Variants in NLGN4X observed in about 807,000 individuals in gnomAD.
The protein encoded by NLGN4X is neuroligin-4, X-linked.
NLGN4X carries 3 observed loss-of-function variants against 40.3 expected under a neutral mutation model. The observed-to-expected ratio is 0.07, with a 90% CI of 0.03 to 0.19. NLGN4X has a LOEUF of 0.19. Ranked by LOEUF, NLGN4X falls within the 10% of genes least tolerant of loss-of-function variation. The pLI is 1.00. For synonymous variants in NLGN4X, 270 were observed against 306.8 expected, an observed-to-expected ratio of 0.88 and a Z score of 1.25; for missense variants, 382 against 708.3, an observed-to-expected ratio of 0.54 and a Z score of 5.23.
chrX:6,089,577 G>C (rs918552895), intron 2 of NLGN4X, among the ~76,000 whole-genome samples: 1 of 112,523 alleles, frequency 8.9e-6, no homozygotes, highest in African/African-American at 3.2e-5. Context: ...ATCTGCTGCA[G>C]AGAGACAATG....
intron 2 of NLGN4X, among the ~76,000 whole-genome samples, chrX:6,044,106 A>AATATAAATAAAT (rs1299954039): frequency 1.0e-5 from 1 of 96,415 alleles, no homozygotes; most frequent in East Asian, 3.3e-4. Flanking sequence ...GTTTCTATTA[A>AATATAAATAAAT]AAATAAATAA....
At chrX:6,153,366 G>C (rs1169151234) in intron 1 of NLGN4X, among the ~76,000 whole-genome samples, 1 of 111,806 alleles carries the variant, frequency 8.9e-6, no homozygotes, top group Non-Finnish European at 1.9e-5. Flanking sequence ...GTGACAAATA[G>C]CATCTCACCA....
chrX:5,976,877 A>G (rs774937365), intron 3 of NLGN4X, among the ~76,000 whole-genome samples: 15 of 113,044 alleles, frequency 1.3e-4, no homozygotes, highest in African/African-American at 4.2e-4. Flanking sequence ...TTGAGAGATG[A>G]CCAACTCAGT....
At chrX:6,092,485 A>G (rs934657659) in intron 2 of NLGN4X, among the ~76,000 whole-genome samples, 6 of 112,226 alleles carry the variant, frequency 5.3e-5, no homozygotes, top group African/African-American at 1.3e-4. Context: ...AGGAAAGCGA[A>G]CCTACCTGCC....
intron 2 of NLGN4X, among the ~76,000 whole-genome samples, chrX:6,040,111 T>C (rs1025828978): frequency 2.7e-5 from 3 of 110,391 alleles, no homozygotes; most frequent in African/African-American, 9.9e-5. Context: ...TTAATTTTGT[T>C]CTATTTCTTG....
chrX:6,022,520 G>C (rs1317924615), intron 3 of NLGN4X, among the ~76,000 whole-genome samples: 2 of 111,899 alleles, frequency 1.8e-5, no homozygotes, highest in African/African-American at 6.5e-5. Flanking sequence ...TTATAAGATA[G>C]CTTGACATTT....
At chrX:6,133,810 C>T (rs757847522) in intron 2 of NLGN4X, among the ~76,000 whole-genome samples, 3 of 111,531 alleles carry the variant, frequency 2.7e-5, no homozygotes, top group South Asian at 3.7e-4. Context: ...AATCCACATG[C>T]GACTTCATGA....
chrX:5,967,426 TTC>T (rs907817760), intron 3 of NLGN4X, among the ~76,000 whole-genome samples: 2 of 111,698 alleles, frequency 1.8e-5, no homozygotes, highest in African/African-American at 6.5e-5. Context: ...GGTGTCTCTT[TTC>T]TCTCTGTCTT....
At chrX:6,010,633 A>C (rs192417040) in intron 3 of NLGN4X, among the ~76,000 whole-genome samples, 1,084 of 108,152 alleles carry the variant, frequency 0.01, 9 homozygotes, top group South Asian at 0.027. Context: ...GGCTCCAGCG[A>C]TTCTTGGGTC....
At chrX:6,150,494 CT>C (rs1465256113) in intron 2 of NLGN4X, among the ~76,000 whole-genome samples, 1 of 111,812 alleles carries the variant, frequency 8.9e-6, no homozygotes, top group African/African-American at 3.2e-5. Context: ...ATTGTATGAA[CT>C]ATCCCCTACT....
intron 4 of NLGN4X, among the ~76,000 whole-genome samples, chrX:5,905,907 T>G: frequency 8.9e-6 from 1 of 112,151 alleles, no homozygotes; most frequent in Non-Finnish European, 1.9e-5. Flanking sequence ...TCTGCCCACC[T>G]TGGCCTCCCA....
intron 3 of NLGN4X, among the ~76,000 whole-genome samples, chrX:5,937,550 T>G (rs903835298): frequency 9.0e-6 from 1 of 111,677 alleles, no homozygotes; most frequent in East Asian, 2.8e-4. Context: ...AAGTTCACAT[T>G]TGAGTCTAGA....
chrX:6,225,011 T>TATATACAC (rs1461463258), intron 1 of NLGN4X, among the ~76,000 whole-genome samples: 3 of 49,542 alleles, frequency 6.1e-5, no homozygotes, highest in Admixed American at 4.8e-4. Flanking sequence ...TATATATATA[T>TATATACAC]ACACACACAC....
At chrX:6,226,556 G>T (rs1490564392) in intron 1 of NLGN4X, 2 of 111,928 alleles carry the variant, frequency 1.8e-5, no homozygotes, top group Non-Finnish European at 3.8e-5. Context: ...AGGGTTGCAC[G>T]GAGCACTGGG....
At chrX:6,143,415 G>T (rs764005029) in intron 2 of NLGN4X, among the ~76,000 whole-genome samples, 9 of 112,355 alleles carry the variant, frequency 8.0e-5, no homozygotes, top group Non-Finnish European at 1.3e-4. Flanking sequence ...GAACACAGAG[G>T]ATTTTGTCAG....
chrX:6,012,204 G>T lies in NLGN4X; in HGVS notation c.625+17076C>A, dbSNP rs2036271761. ...TATTTATAGCCTGTAATTTAAGAAG[G>T]AAGTGTGAAATATAGCTTTGCGTAT... is the stretch of plus-strand genomic sequence containing the variant. On this transcript the variant is annotated intron_variant, in intron 3 of 5. Coordinates refer to ENST00000381095, the MANE Select transcript of NLGN4X (RefSeq NM_181332.3). Among the ~76,000 whole-genome samples, 3 of 112,660 alleles carry T rather than the reference G, an allele frequency of 2.7e-5. No homozygotes were observed. The South Asian group carries it at 1.1e-3, about 41-fold the overall frequency.
intron 1 of NLGN4X, among the ~76,000 whole-genome samples, chrX:6,223,302 G>A (rs1226492724): frequency 2.7e-5 from 3 of 111,003 alleles, no homozygotes; most frequent in Non-Finnish European, 5.7e-5. Context: ...CCTGGGACAC[G>A]TGAACTGAAC....
intron 1 of NLGN4X, among the ~76,000 whole-genome samples, chrX:6,180,590 A>G (rs1921329891): frequency 8.9e-6 from 1 of 111,777 alleles, no homozygotes; most frequent in Admixed American, 9.5e-5. Context: ...TATTTTCTTA[A>G]AGCAATGCAA....
chrX:6,042,921 C>CA (rs1203900365), intron 2 of NLGN4X, among the ~76,000 whole-genome samples: 1 of 103,579 alleles, frequency 9.7e-6, no homozygotes, highest in African/African-American at 3.5e-5. Context: ...ACTAAAAATA[C>CA]AAAAAATAGC....
Sources: allele counts gnomAD v4.1 joint callset (sites outside exome capture counted in the v4.1 genomes callset), GRCh38; gene constraint gnomAD v4.1.1; transcripts MANE v1.5; gene names NCBI Gene and HGNC (gene_info 2026-07-23, HGNC 2026-07-21).